Variants in KCNIP4 observed in about 807,000 individuals in gnomAD.
KCNIP4 encodes Kv channel-interacting protein 4.
In KCNIP4, 12 loss-of-function variants were observed where a neutral mutation model predicts 34.0. The observed-to-expected ratio is 0.35, with a 90% CI of 0.23 to 0.57. KCNIP4 has a LOEUF of 0.57. Among genes scored for constraint, KCNIP4 ranks in the 20% least tolerant of loss-of-function variants. The pLI is 0.83. For missense variants in KCNIP4, 238 were observed against 311.7 expected, an observed-to-expected ratio of 0.76 and a Z score of 1.78; for synonymous variants, 124 against 102.2, an observed-to-expected ratio of 1.21 and a Z score of -1.29.
intron 3 of KCNIP4, among the ~76,000 whole-genome samples, chr4:20,819,353 C>G (rs1716820218): frequency 6.6e-6 from 1 of 152,104 alleles, no homozygotes; most frequent in Non-Finnish European, 1.5e-5. Flanking sequence ...TGAAGGGACA[C>G]AACATCTGCT....
Position 20,859,850 on chromosome 4 carries a change from C to T in KCNIP4, c.164-9183G>A, listed in dbSNP as rs565419170. Among the ~76,000 whole-genome samples the T allele has an allele frequency of 2.0e-5, 3 of 152,262 alleles. No individual in the cohort carries two copies. In the East Asian group the frequency reaches 5.8e-4, roughly 29 times the overall value. The stretch of plus-strand genomic sequence containing the variant: ...TTGACGACATGCTTTGGAAACAAGT[C>T]TTCTAATGCAGAAAACAAATAATAT... On this transcript the variant is annotated intron_variant, in intron 2 of 8. Transcript: ENST00000382152.
At chr4:21,367,818 T>A (rs1719936438) in intron 1 of KCNIP4, among the ~76,000 whole-genome samples, 2 of 147,672 alleles carry the variant, frequency 1.4e-5, no homozygotes, top group Non-Finnish European at 2.9e-5. Context: ...GTCACTAGCG[T>A]GTAAACACAG....
chr4:20,764,681 GACACACACAC>G (rs5856578), intron 3 of KCNIP4, among the ~76,000 whole-genome samples: 1 of 147,108 alleles, frequency 6.8e-6, no homozygotes, highest in African/African-American at 2.5e-5. Flanking sequence ...ATGGGAATTG[GACACACACAC>G]ACACACACAC....
intron 1 of KCNIP4, among the ~76,000 whole-genome samples, chr4:20,956,671 A>G (rs1733340340): frequency 6.6e-6 from 1 of 152,234 alleles, no homozygotes; most frequent in Non-Finnish European, 1.5e-5. Context: ...AAAGCAAGTT[A>G]AAGAAATGTA....
chr4:21,092,390 G>C (rs1011856076), intron 1 of KCNIP4, among the ~76,000 whole-genome samples: 5 of 152,008 alleles, frequency 3.3e-5, no homozygotes, highest in African/African-American at 9.7e-5. Context: ...ACCAGCCAGA[G>C]TATATGCCAT....
At chr4:21,218,166 C>A (rs1443984131) in intron 1 of KCNIP4, among the ~76,000 whole-genome samples, 4 of 151,856 alleles carry the variant, frequency 2.6e-5, no homozygotes, top group Non-Finnish European at 5.9e-5. Context: ...CAGGCACCCG[C>A]CACCATGCCT....
At chr4:21,529,635 G>A (rs1736505702) in intron 1 of KCNIP4, among the ~76,000 whole-genome samples, 2 of 152,060 alleles carry the variant, frequency 1.3e-5, no homozygotes, top group South Asian at 4.1e-4. Flanking sequence ...AGACACCCTG[G>A]ATGGTAGTAA....
chr4:21,784,906 C>T (rs1327090945), intron 1 of KCNIP4, among the ~76,000 whole-genome samples: 1 of 152,106 alleles, frequency 6.6e-6, no homozygotes, highest in East Asian at 1.9e-4. Flanking sequence ...ACCTTCATGA[C>T]CAAGTGTCAT....
chr4:20,739,168 C>G (rs1750443928), intron 5 of KCNIP4, among the ~76,000 whole-genome samples: 2 of 152,212 alleles, frequency 1.3e-5, no homozygotes, highest in South Asian at 2.1e-4. Flanking sequence ...CAGGTCATAG[C>G]TGAACAAAAG....
chr4:21,510,136 C>A (rs1734191658), intron 1 of KCNIP4, among the ~76,000 whole-genome samples: 1 of 147,478 alleles, frequency 6.8e-6, no homozygotes, highest in African/African-American at 2.5e-5. Flanking sequence ...AAAATTGCAG[C>A]ATTAAACTAT....
chr4:21,504,004 A>G (rs1057351200), intron 1 of KCNIP4, among the ~76,000 whole-genome samples: 2 of 152,174 alleles, frequency 1.3e-5, no homozygotes, highest in African/African-American at 4.8e-5. Context: ...ATCTTCTAGG[A>G]TGTCTGTTAA....
chr4:20,883,776 C>T (rs933723785), intron 1 of KCNIP4, among the ~76,000 whole-genome samples: 1 of 152,166 alleles, frequency 6.6e-6, no homozygotes, highest in Middle Eastern at 3.2e-3. Flanking sequence ...TATGTTGCAC[C>T]CACCAACAGT....
intron 1 of KCNIP4, among the ~76,000 whole-genome samples, chr4:21,492,781 A>T (rs1308775486): frequency 6.6e-6 from 1 of 152,184 alleles, no homozygotes; most frequent in Non-Finnish European, 1.5e-5. Flanking sequence ...GTCTCATTTT[A>T]GTATCTATGT....
intron 1 of KCNIP4, among the ~76,000 whole-genome samples, chr4:20,951,824 C>A (rs1046197735): frequency 6.6e-6 from 1 of 152,168 alleles, no homozygotes; most frequent in African/African-American, 2.4e-5. Flanking sequence ...AATAGATTTT[C>A]AAAATGACCA....
At chr4:20,791,074 T>C (rs182677938) in intron 3 of KCNIP4, among the ~76,000 whole-genome samples, 263 of 152,274 alleles carry the variant, frequency 1.7e-3, no homozygotes, top group Non-Finnish European at 2.8e-3. Flanking sequence ...TGAAAAGACA[T>C]GTTACATATA....
chr4:20,783,790 T>C (rs149957148), intron 3 of KCNIP4, among the ~76,000 whole-genome samples: 21 of 152,298 alleles, frequency 1.4e-4, no homozygotes, highest in African/African-American at 4.8e-4. Context: ...ACTATTCTGC[T>C]TAATAGGAAT....
chr4:21,435,129 G>A (rs1726836589), intron 1 of KCNIP4, among the ~76,000 whole-genome samples: 2 of 152,266 alleles, frequency 1.3e-5, no homozygotes, highest in Admixed American at 1.3e-4. Context: ...CACAGAGAAA[G>A]GCAGGGACTC....
At chr4:21,325,063 T>G (rs1714896675) in intron 1 of KCNIP4, among the ~76,000 whole-genome samples, 1 of 151,896 alleles carries the variant, frequency 6.6e-6, no homozygotes, top group African/African-American at 2.4e-5. Flanking sequence ...TGCTCACTGT[T>G]GACATATAGA....
chr4:21,783,424 A>T (rs1719698872), intron 1 of KCNIP4, among the ~76,000 whole-genome samples: 1 of 152,184 alleles, frequency 6.6e-6, no homozygotes, highest in South Asian at 2.1e-4. Flanking sequence ...CTAAATATAA[A>T]TAATGTGGAT....
Sources: gnomAD v4.1 joint callset for allele counts (sites outside exome capture counted in the v4.1 genomes callset) on GRCh38, gnomAD v4.1.1 for gene constraint, MANE v1.5 for transcripts, NCBI Gene and HGNC (gene_info 2026-07-23, HGNC 2026-07-21) for gene names.